Variants in UGT8 observed in about 807,000 individuals in gnomAD.
UGT8 encodes UDP glycosyltransferase 8.
UGT8 carries 12 observed loss-of-function variants against 40.5 expected under a neutral mutation model. The ratio of observed to expected loss-of-function variants is 0.30; its 90% CI spans 0.19 to 0.48. The LOEUF (loss-of-function observed/expected upper bound fraction) is 0.48. Among genes scored for constraint, UGT8 ranks in the 20% least tolerant of loss-of-function variants. The probability of loss-of-function intolerance (pLI) is 0.99; values close to 1 mark genes in which losing one functional copy is unlikely to be tolerated. For missense variants in UGT8, 513 were observed against 648.7 expected (o/e 0.79, Z 2.27); for synonymous variants, 224 against 240.4 (o/e 0.93, Z 0.63).
chr4:114,634,301 A>G (rs558350963), intron 2 of UGT8, among the ~76,000 whole-genome samples: 2 of 152,210 alleles, frequency 1.3e-5, no homozygotes, highest in Non-Finnish European at 2.9e-5. Context: ...TCAAAAGTCA[A>G]ATTGATGTTT....
chr4:114,658,680 A>G (rs1286551376), intron 2 of UGT8, among the ~76,000 whole-genome samples: 1 of 150,016 alleles, frequency 6.7e-6, no homozygotes, highest in African/African-American at 2.4e-5. Flanking sequence ...TTGCATTGGG[A>G]TGTGTTTTAC....
In UGT8 at chr4:114,623,340, A is replaced by G. The variant is rs768456240; in HGVS notation, c.460A>G (p.Lys154Glu). The change falls in exon 2 of 6, where the codon AAA (lysine) becomes GAA (glutamate). Residue 154 changes from lysine to glutamate, a missense_variant. Physicochemically the swap from Lys to Glu is moderately conservative, Grantham distance 56. Coordinates refer to ENST00000310836, the MANE Select transcript of UGT8 (RefSeq NM_001128174.3). Reference sequence around the variant, plus strand: ...TGTGATAGCTCATCTTTTAGGGGTTAAATATGCTGTATTTTCAACTGGCCT... The same window carrying G: ...TGTGATAGCTCATCTTTTAGGGGTTGAATATGCTGTATTTTCAACTGGCCT... ...GFVIAHLLGV[K>E]YAVFSTGLWY... The G allele has an allele frequency of 1.2e-6, 2 of 1,614,122 alleles. No homozygotes were observed. The highest frequency in any genetic ancestry group is 2.2e-5 in the South Asian group (2 of 91,074).
chr4:114,650,806 G>C (rs112211255), intron 2 of UGT8, among the ~76,000 whole-genome samples: 1 of 151,924 alleles, frequency 6.6e-6, no homozygotes, highest in Non-Finnish European at 1.5e-5. Context: ...AAACTTTTGC[G>C]CCTACTCTTT....
At chr4:114,663,689 G>T (rs941798804) in intron 2 of UGT8, 11 of 984,798 alleles carry the variant, frequency 1.1e-5, no homozygotes, top group African/African-American at 1.8e-5. Context: ...TTCTGAACAT[G>T]CATCAGTTGT....
chr4:114,615,931 A>G (rs1731394046), intron 1 of UGT8, among the ~76,000 whole-genome samples: 1 of 152,068 alleles, frequency 6.6e-6, no homozygotes, highest in African/African-American at 2.4e-5. Flanking sequence ...GGTGAACAGC[A>G]AATGTTGCTG....
chr4:114,608,022 G>A (rs1730833960), intron 1 of UGT8, among the ~76,000 whole-genome samples: 1 of 152,118 alleles, frequency 6.6e-6, no homozygotes, highest in Non-Finnish European at 1.5e-5. Context: ...TTTTTAGCAT[G>A]GCTTTCGAGG....
chr4:114,611,406 A>C (rs1017694693), intron 1 of UGT8, among the ~76,000 whole-genome samples: 8 of 6,954 alleles, frequency 1.2e-3, no homozygotes, highest in Admixed American at 2.3e-3. Flanking sequence ...ATATATCCAT[A>C]TATATATATA....
At chr4:114,630,957 C>T (rs1009204908) in intron 2 of UGT8, among the ~76,000 whole-genome samples, 1 of 152,046 alleles carries the variant, frequency 6.6e-6, no homozygotes, top group Non-Finnish European at 1.5e-5. Context: ...TAAGGGAGAA[C>T]TCTAGGCAAA....
At chr4:114,633,942 A>C (rs1015764263) in intron 2 of UGT8, among the ~76,000 whole-genome samples, 2 of 147,336 alleles carry the variant, frequency 1.4e-5, no homozygotes, top group South Asian at 2.1e-4. Context: ...AGACTGTCTA[A>C]AAAAAAAAAA....
rs1450026783 is a variant in UGT8, at chr4:114,623,598, T to C, written c.718T>C (p.Trp240Arg). 6.2e-7 allele frequency: 1 copy of C among 1,614,136 alleles called. No individual in the cohort carries two copies. Among genetic ancestry groups the C allele is most frequent in the East Asian group, 2.2e-5 (1 of 44,872 alleles). Residue 240 changes from tryptophan to arginine, a missense_variant, in exon 2 of 6, where the codon TGG (tryptophan) becomes CGG (arginine). Coordinates refer to ENST00000310836, the MANE Select transcript of UGT8 (RefSeq NM_001128174.3). The part of the protein sequence containing the change: ...MYDLVHGSSL[W>R]MLCTDVALEF... ...TGATTTGGTTCATGGGTCCAGCCTG[T>C]GGATGCTGTGTACTGACGTAGCACT...
chr4:114,671,383 A>G (rs1474441843), intron 5 of UGT8, among the ~76,000 whole-genome samples: 1 of 152,182 alleles, frequency 6.6e-6, no homozygotes, highest in East Asian at 1.9e-4. Flanking sequence ...ACCAAAAACA[A>G]AAAAACAAAG....
intron 1 of UGT8, among the ~76,000 whole-genome samples, chr4:114,606,903 A>C (rs1050273902): frequency 2.0e-5 from 3 of 151,798 alleles, no homozygotes; most frequent in Non-Finnish European, 4.4e-5. Flanking sequence ...CAAACAAAAA[A>C]CCCCCACATG....
At chr4:114,631,019 T>C (rs965146417) in intron 2 of UGT8, among the ~76,000 whole-genome samples, 3 of 152,120 alleles carry the variant, frequency 2.0e-5, no homozygotes, top group Non-Finnish European at 4.4e-5. Flanking sequence ...TCCTCCACAC[T>C]CAGACCCTGA....
intron 2 of UGT8, among the ~76,000 whole-genome samples, chr4:114,651,195 T>A (rs552370777): frequency 1.3e-5 from 2 of 152,220 alleles, no homozygotes; most frequent in East Asian, 3.9e-4. Flanking sequence ...TACTTCCTCA[T>A]TTTTTTCAAT....
intron 2 of UGT8, chr4:114,663,558 A>T: frequency 4.6e-6 from 1 of 219,310 alleles, no homozygotes; most frequent in Non-Finnish European, 7.7e-6. Context: ...TTTGATTTTC[A>T]ACACAAATCA....
rs937004647 is a variant in UGT8, at chr4:114,626,082, T to C, written c.822+2380T>C. Among the ~76,000 whole-genome samples, 5 of 152,220 alleles carry C rather than the reference T, an allele frequency of 3.3e-5. No individual in the cohort carries two copies. In the East Asian group the frequency reaches 9.6e-4, roughly 29 times the overall value. On this transcript the variant is annotated intron_variant, in intron 2 of 5. Transcript: ENST00000310836. ...CTATTAGATTATCATTGTGAAGGGC[T>C]GTTTTCATTTCAGAATGTTATTTAT...
At chr4:114,636,577 A>G (rs758465492) in intron 2 of UGT8, among the ~76,000 whole-genome samples, 3 of 152,244 alleles carry the variant, frequency 2.0e-5, no homozygotes, top group Non-Finnish European at 4.4e-5. Flanking sequence ...TCTTGATATT[A>G]TCCTTTCACA....
rs547863286 is a variant in UGT8 at position 114,643,256 on chromosome 4, A to G, written c.822+19554A>G. Among the ~76,000 whole-genome samples the G allele has an allele frequency of 1.4e-4, 21 of 152,298 alleles. 1 individual carries two copies. Among genetic ancestry groups the G allele is most frequent in the African/African-American group, 4.1e-4 (17 of 41,578 alleles). ...ATTCAGGAGAACAGAAAGAAATACT[A>G]TAAACAGAAGTTTAAATTTTAATAG... On this transcript the variant is annotated intron_variant, in intron 2 of 5. Transcript: ENST00000310836.
intron 4 of UGT8, among the ~76,000 whole-genome samples, chr4:114,666,539 T>G (rs925065948): frequency 2.6e-5 from 4 of 152,102 alleles, no homozygotes; most frequent in Non-Finnish European, 5.9e-5. Context: ...TTCTTGATCC[T>G]TGTATTTTTT....
Sources: gnomAD v4.1 joint callset for allele counts (sites outside exome capture counted in the v4.1 genomes callset) on GRCh38, gnomAD v4.1.1 for gene constraint, MANE v1.5 for transcripts, NCBI Gene and HGNC (gene_info 2026-07-23, HGNC 2026-07-21) for gene names.